PLA2G6: variants seen among roughly 807,000 people sequenced by gnomAD.
The protein encoded by PLA2G6 is 85/88 kDa calcium-independent phospholipase A2.
A neutral mutation model predicts 83.8 loss-of-function variants in PLA2G6; 62 were observed. The ratio of observed to expected loss-of-function variants is 0.74; its 90% CI spans 0.60 to 0.91. The LOEUF is 0.91. Among genes scored for constraint, PLA2G6 ranks in the 40% least tolerant of loss-of-function variants. PLA2G6 has a pLI of 0.00. For missense variants in PLA2G6, 944 were observed against 1,102.0 expected (o/e 0.86, Z 2.03); for synonymous variants, 417 against 449.8 (o/e 0.93, Z 0.92).
intron 13 of PLA2G6, 109 bp from the exon 14 acceptor site, chr22:38,115,790 G>C: frequency 6.7e-7 from 1 of 1,491,086 alleles, no homozygotes; most frequent in Non-Finnish European, 8.9e-7. Context: ...CGGGAAGAGG[G>C]GAGGCTGGGA....
chr22:38,121,721 C>T (rs1263846442), intron 11 of PLA2G6, among the ~76,000 whole-genome samples: 1 of 152,202 alleles, frequency 6.6e-6, no homozygotes, highest in Non-Finnish European at 1.5e-5. Flanking sequence ...AGTCTCAAGA[C>T]CCCGGATGGG....
At chr22:38,118,696 T>C (rs1039658484) in intron 12 of PLA2G6, among the ~76,000 whole-genome samples, 1 of 152,100 alleles carries the variant, frequency 6.6e-6, no homozygotes, top group Admixed American at 6.5e-5. Context: ...ATGTTCTTAA[T>C]GGAGTAGAAT....
chr22:38,156,236 C>G (rs1201520586), intron 2 of PLA2G6, among the ~76,000 whole-genome samples: 1 of 152,124 alleles, frequency 6.6e-6, no homozygotes, highest in South Asian at 2.1e-4. Flanking sequence ...CTGGAGACTT[C>G]AATACTCCAC....
chr22:38,127,001 C>T, intron 9 of PLA2G6: 5 of 1,072,162 alleles, frequency 4.7e-6, no homozygotes, highest in Non-Finnish European at 4.5e-6. Flanking sequence ...CAGTGGCCTC[C>T]GGGATCAGGC....
chr22:38,117,444 C>T (rs566968189), intron 12 of PLA2G6, among the ~76,000 whole-genome samples: 6 of 152,142 alleles, frequency 3.9e-5, no homozygotes, highest in African/African-American at 1.4e-4. Context: ...ATCCGCCCAC[C>T]TCGGCCTCCC....
chr22:38,135,235 AG>A, intron 5 of PLA2G6, 151 bp from the exon 6 acceptor site: 1 of 661,602 alleles, frequency 1.5e-6, no homozygotes, highest in Non-Finnish European at 2.8e-6. Context: ...ACCATGGTTA[AG>A]GCTGTACTGA....
chr22:38,136,102 A>C (rs2088536983), intron 5 of PLA2G6: 1 of 152,260 alleles, frequency 6.6e-6, no homozygotes, highest in South Asian at 2.1e-4. Context: ...TTTCACTGAT[A>C]CGAGGTTCTA....
rs1237648058 is a variant in PLA2G6 at position 38,123,517 on chromosome 22, C to CA, written c.1428-260dup. Reference sequence around the variant, plus strand: ...GGGGATAGCATCACTGACCAGGCGCCATCCCAGCAGGATCTCGGCCAGTCT... The same window carrying CA: ...GGGGATAGCATCACTGACCAGGCGCCAATCCCAGCAGGATCTCGGCCAGTCT... On this transcript the variant is annotated intron_variant, in intron 10 of 16. Coordinates refer to ENST00000332509, the MANE Select transcript of PLA2G6 (RefSeq NM_003560.4). This position sits in a 1 kb window ranked among gnomAD's most constrained non-coding sequence, Gnocchi z 4.1. 6.6e-6 allele frequency among the ~76,000 whole-genome samples: 1 copy of CA among 152,158 alleles called. No homozygotes were observed. Among genetic ancestry groups the CA allele is most frequent in the African/African-American group, 2.4e-5 (1 of 41,436 alleles).
intron 1 of PLA2G6, among the ~76,000 whole-genome samples, chr22:38,180,576 A>G (rs2090808763): frequency 6.6e-6 from 1 of 152,184 alleles, no homozygotes. Context: ...ACACTGCCAA[A>G]TGATACACTG....
intron 16 of PLA2G6, 62 bp from the exon 17 acceptor site, chr22:38,112,367 C>T: frequency 6.3e-7 from 1 of 1,586,822 alleles, no homozygotes; most frequent in South Asian, 1.1e-5. Context: ...GGGACGCCAG[C>T]TAGGACCAGG....
chr22:38,157,587 C>A (rs1001214041), intron 2 of PLA2G6, among the ~76,000 whole-genome samples: 1 of 152,166 alleles, frequency 6.6e-6, no homozygotes, highest in Non-Finnish European at 1.5e-5. Flanking sequence ...GGAGAGAAAA[C>A]TTCCAAACTC....
intron 2 of PLA2G6, among the ~76,000 whole-genome samples, chr22:38,166,091 A>G (rs132973): frequency 0.12 from 17,688 of 152,144 alleles, 1,246 homozygotes; most frequent in African/African-American, 0.18. Context: ...AGACGGAGGG[A>G]GAAAGAACCT....
intron 12 of PLA2G6, among the ~76,000 whole-genome samples, chr22:38,117,307 C>T (rs1462869108): frequency 6.6e-6 from 1 of 152,080 alleles, no homozygotes; most frequent in Non-Finnish European, 1.5e-5. Flanking sequence ...CCCGGGTTCA[C>T]GCCATTCTCC....
At chr22:38,158,219 G>C (rs1431579463) in intron 2 of PLA2G6, among the ~76,000 whole-genome samples, 4 of 148,816 alleles carry the variant, frequency 2.7e-5, no homozygotes, top group South Asian at 2.2e-4. Flanking sequence ...GCCCAGGCTG[G>C]AGTGCAGTGG....
intron 5 of PLA2G6, 126 bp downstream of exon 5, chr22:38,139,856 G>A (rs1268228394): frequency 2.6e-6 from 2 of 765,898 alleles, no homozygotes; most frequent in Non-Finnish European, 4.4e-6. Flanking sequence ...TGTGAACCCG[G>A]GGCCTCTGCT....
intron 12 of PLA2G6, among the ~76,000 whole-genome samples, chr22:38,117,357 G>A (rs2087269232): frequency 2.0e-5 from 3 of 152,018 alleles, no homozygotes; most frequent in South Asian, 2.1e-4. Flanking sequence ...ACAGGCGCCC[G>A]CCACCACGCC....
chr22:38,126,038 C>T (rs529316481), intron 10 of PLA2G6, among the ~76,000 whole-genome samples: 14 of 152,290 alleles, frequency 9.2e-5, no homozygotes, highest in Admixed American at 3.3e-4. Flanking sequence ...GAAGCAGCTG[C>T]TGAGATCTCC....
intron 2 of PLA2G6, chr22:38,148,906 AC>A (rs1166912577): frequency 5.3e-6 from 1 of 187,594 alleles, no homozygotes; most frequent in Non-Finnish European, 1.0e-5. Context: ...TCGCTCTGTC[AC>A]CCAGGCTGGA....
chr22:38,148,293 A>G (rs896674716), intron 2 of PLA2G6: 29 of 534,488 alleles, frequency 5.4e-5, no homozygotes. Flanking sequence ...AGGAAAGGAT[A>G]GCGAATGGGG....
Sources: allele counts gnomAD v4.1 joint callset (sites outside exome capture counted in the v4.1 genomes callset), GRCh38; gene constraint gnomAD v4.1.1; non-coding constraint Gnocchi (gnomAD v3.1); transcripts MANE v1.5; gene names NCBI Gene and HGNC (gene_info 2026-07-23, HGNC 2026-07-21).